GRIN3A: variants seen among roughly 807,000 people sequenced by gnomAD.
The protein encoded by GRIN3A is glutamate receptor ionotropic, NMDA 3A.
A neutral mutation model predicts 92.4 loss-of-function variants in GRIN3A; 47 were observed. That is an observed-to-expected ratio of 0.51 (90% CI 0.40 to 0.65). The LOEUF is 0.65. Ranked by LOEUF, GRIN3A falls within the 30% of genes least tolerant of loss-of-function variation. GRIN3A has a pLI of 0.00. For missense variants in GRIN3A, 1,324 were observed against 1,393.1 expected, an observed-to-expected ratio of 0.95 and a Z score of 0.79; for synonymous variants, 527 against 540.6, an observed-to-expected ratio of 0.97 and a Z score of 0.35.
intron 5 of GRIN3A, among the ~76,000 whole-genome samples, chr9:101,615,384 T>TC (rs1197595939): frequency 7.1e-6 from 1 of 139,932 alleles, no homozygotes; most frequent in Non-Finnish European, 1.5e-5. Flanking sequence ...TGATTTTTGT[T>TC]CCTTTTTTTT....
chr9:101,680,583 C>T (rs1219604153), intron 2 of GRIN3A, among the ~76,000 whole-genome samples: 1 of 152,118 alleles, frequency 6.6e-6, no homozygotes, highest in East Asian at 1.9e-4. Context: ...AGAGTATAAT[C>T]ACTGGTATAA....
intron 3 of GRIN3A, among the ~76,000 whole-genome samples, chr9:101,635,221 T>A (rs1450845973): frequency 6.6e-6 from 1 of 152,154 alleles, no homozygotes; most frequent in Non-Finnish European, 1.5e-5. Context: ...ACAACTTGAG[T>A]CATTGCATCA....
At chr9:101,588,326 G>A (rs572014628) in intron 6 of GRIN3A, among the ~76,000 whole-genome samples, 6 of 152,306 alleles carry the variant, frequency 3.9e-5, no homozygotes, top group Admixed American at 2.0e-4. Context: ...CACTGCATGA[G>A]CCTGAGTAGT....
chr9:101,682,757 C>T (rs1368312584), intron 2 of GRIN3A, among the ~76,000 whole-genome samples: 1 of 151,992 alleles, frequency 6.6e-6, no homozygotes, highest in Non-Finnish European at 1.5e-5. Context: ...CCGAGGCGGG[C>T]GGATCATGAG....
Position 101,649,856 on chromosome 9 carries a change from T to C in GRIN3A, c.2352+20204A>G, listed in dbSNP as rs189944827. Among the ~76,000 whole-genome samples the C allele has an allele frequency of 4.6e-3, 693 of 152,188 alleles. 7 individuals are homozygous for C. The highest frequency in any genetic ancestry group is 0.014 in the African/African-American group (575 of 41,552). On this transcript the variant is annotated intron_variant, in intron 3 of 8. Coordinates refer to ENST00000361820, the MANE Select transcript of GRIN3A (RefSeq NM_133445.3). ...TGCAGTCTAGAAAATGTACGACCCT[T>C]GTCTCTGGAACAAAACATAGTCTCA...
chr9:101,676,313 T>G (rs1349221723), intron 2 of GRIN3A, among the ~76,000 whole-genome samples: 1 of 151,916 alleles, frequency 6.6e-6, no homozygotes, highest in African/African-American at 2.4e-5. Context: ...CCTTTTCTTT[T>G]TCCCCCTATT....
intron 6 of GRIN3A, among the ~76,000 whole-genome samples, chr9:101,581,554 C>A (rs558093819): frequency 6.6e-6 from 1 of 152,110 alleles, no homozygotes; most frequent in Non-Finnish European, 1.5e-5. Context: ...CATCATTTGT[C>A]CCCTGTGGAG....
chr9:101,680,490 T>A lies in GRIN3A; in HGVS notation c.1304+6106A>T, dbSNP rs182753051. Among the ~76,000 whole-genome samples, 3 of 152,254 alleles carry A rather than the reference T, an allele frequency of 2.0e-5. No individual in the cohort carries two copies. The East Asian group carries it at 5.8e-4, about 29-fold the overall frequency. ...TGTGTAAGCATAAAGATAAACATAG[T>A]TTGAAGAGAAAAGAGTCTCTAGTGT... On this transcript the variant is annotated intron_variant, in intron 2 of 8. Transcript: ENST00000361820.
At chr9:101,650,977 T>C (rs905473857) in intron 3 of GRIN3A, among the ~76,000 whole-genome samples, 1 of 152,084 alleles carries the variant, frequency 6.6e-6, no homozygotes, top group African/African-American at 2.4e-5. Context: ...TTTTATCTAT[T>C]TTTTATTTCG....
In GRIN3A at chr9:101,670,538, G is replaced by T; in HGVS notation, c.1874C>A (p.Ala625Asp). 1 of 1,613,992 alleles carries T rather than the reference G, an allele frequency of 6.2e-7. No homozygotes were observed. The highest frequency in any genetic ancestry group is 8.5e-7 in the Non-Finnish European group (1 of 1,179,950). Residue 625 changes from alanine (A) to aspartate (D), a missense_variant, in exon 3 of 9, where the codon GCC (alanine) becomes GAC (aspartate). Coordinates refer to ENST00000361820, the MANE Select transcript of GRIN3A (RefSeq NM_133445.3). Reference sequence around the variant, plus strand: ...GCTAAAGGAAGTGACTGCCATGTGGGCAGTCCCTCTCAGGAGATCACCCAC... The same window carrying T: ...GCTAAAGGAAGTGACTGCCATGTGGTCAGTCCCTCTCAGGAGATCACCCAC... Reference protein sequence around the residue: ...GLVGDLLRGTAHMAVTSFSIN... With the variant: ...GLVGDLLRGTDHMAVTSFSIN...
At chr9:101,656,263 A>G (rs1404309084) in intron 3 of GRIN3A, among the ~76,000 whole-genome samples, 1 of 151,898 alleles carries the variant, frequency 6.6e-6, no homozygotes, top group African/African-American at 2.4e-5. Context: ...AACAATGAAA[A>G]AGATAATTGT....
chr9:101,574,561 G>A (rs1214432855), intron 8 of GRIN3A, among the ~76,000 whole-genome samples: 1 of 152,174 alleles, frequency 6.6e-6, no homozygotes, highest in Admixed American at 6.5e-5. Context: ...GGGACAATCT[G>A]GAAGGAGAAG....
chr9:101,611,362 C>T (rs1425959834), intron 6 of GRIN3A, among the ~76,000 whole-genome samples: 1 of 152,076 alleles, frequency 6.6e-6, no homozygotes, highest in Non-Finnish European at 1.5e-5. Context: ...CACAGGGTCT[C>T]CTTATAAGGA....
At chr9:101,593,867 G>T in intron 6 of GRIN3A, 1 of 153,232 alleles carries the variant, frequency 6.5e-6, no homozygotes, top group East Asian at 1.9e-4. Context: ...GAATGGGGCT[G>T]CAATCTGCCG....
intron 2 of GRIN3A, among the ~76,000 whole-genome samples, chr9:101,677,980 G>A (rs79855857): frequency 0.046 from 7,015 of 152,182 alleles, 187 homozygotes; most frequent in Middle Eastern, 0.071. Context: ...CAGATTTGGA[G>A]AGCAGCATCT....
chr9:101,724,703 G>GT (rs1489166516), intron 1 of GRIN3A, among the ~76,000 whole-genome samples: 1 of 152,208 alleles, frequency 6.6e-6, no homozygotes, highest in Admixed American at 6.5e-5. Context: ...GATGTGATGG[G>GT]TTTATCAGGG....
intron 6 of GRIN3A, among the ~76,000 whole-genome samples, chr9:101,606,905 C>CTTTTTT (rs1828291100): frequency 1.9e-5 from 2 of 103,674 alleles, no homozygotes; most frequent in Admixed American, 9.9e-5. Context: ...AAAAAAATTA[C>CTTTTTT]ATTTTTTTTT....
intron 6 of GRIN3A, among the ~76,000 whole-genome samples, chr9:101,585,441 T>C (rs554814547): frequency 6.6e-6 from 1 of 152,182 alleles, no homozygotes; most frequent in Non-Finnish European, 1.5e-5. Flanking sequence ...AACTTCCTAC[T>C]CTGCCTCTTT....
At chr9:101,664,511 A>G (rs938066658) in intron 3 of GRIN3A, among the ~76,000 whole-genome samples, 3 of 151,926 alleles carry the variant, frequency 2.0e-5, no homozygotes, top group African/African-American at 7.2e-5. Context: ...AAGTGAGGAT[A>G]GAATCATCCT....
Sources: allele counts gnomAD v4.1 joint callset (sites outside exome capture counted in the v4.1 genomes callset), GRCh38; gene constraint gnomAD v4.1.1; transcripts MANE v1.5; gene names NCBI Gene and HGNC (gene_info 2026-07-23, HGNC 2026-07-21).